Variants in RNLS observed in about 807,000 individuals in gnomAD.
The protein encoded by RNLS is renalase.
A neutral mutation model predicts 39.8 loss-of-function variants in RNLS; 39 were observed. The observed-to-expected ratio is 0.98, with a 90% CI of 0.76 to 1.28. RNLS has a LOEUF of 1.28. RNLS is among the 50% of genes most tolerant of loss of function. The pLI, the probability that RNLS is intolerant of heterozygous loss-of-function variation, is 0.00. For missense variants in RNLS, 410 were observed against 413.3 expected, an observed-to-expected ratio of 0.99 and a Z score of 0.07; for synonymous variants, 147 against 150.7, an observed-to-expected ratio of 0.98 and a Z score of 0.18.
chr10:88,357,432 T>C (rs140085642), intron 5 of RNLS, among the ~76,000 whole-genome samples: 1 of 152,330 alleles, frequency 6.6e-6, no homozygotes, highest in East Asian at 1.9e-4. Context: ...ATATTGCTGA[T>C]TGTTGGAAGA....
the RNLS span, among the ~76,000 whole-genome samples, chr10:88,264,450 G>A: frequency 6.6e-6 from 1 of 152,146 alleles, no homozygotes; most frequent in Non-Finnish European, 1.5e-5. Flanking sequence ...GTGTAAAAGT[G>A]TTCTCTTTTC....
intron 4 of RNLS, among the ~76,000 whole-genome samples, chr10:88,519,943 C>T (rs1198167930): frequency 4.6e-5 from 7 of 151,826 alleles, no homozygotes; most frequent in African/African-American, 1.5e-4. Flanking sequence ...AAACATTGTG[C>T]CCATGTCTTA....
At chr10:88,304,821 C>T (rs1564676764) in intron 6 of RNLS, among the ~76,000 whole-genome samples, 1 of 152,088 alleles carries the variant, frequency 6.6e-6, no homozygotes. Context: ...AACCAACATT[C>T]AAAATCAGGA....
intron 4 of RNLS, among the ~76,000 whole-genome samples, chr10:88,559,568 C>T (rs950834764): frequency 2.0e-5 from 3 of 152,136 alleles, no homozygotes; most frequent in Non-Finnish European, 4.4e-5. Context: ...ATGAACATTT[C>T]TATTTCAAAC....
intron 4 of RNLS, among the ~76,000 whole-genome samples, chr10:88,374,096 TAAC>T (rs957281835): frequency 2.0e-5 from 3 of 151,990 alleles, no homozygotes; most frequent in Admixed American, 2.0e-4. Flanking sequence ...CAAAAAATAA[TAAC>T]AATTATTGTT....
chr10:88,256,070 T>TG, the RNLS span, among the ~76,000 whole-genome samples: 1 of 152,150 alleles, frequency 6.6e-6, no homozygotes, highest in Non-Finnish European at 1.5e-5. Flanking sequence ...AACCAGCCCG[T>TG]GGGGAATATT....
intron 3 of RNLS, among the ~76,000 whole-genome samples, chr10:88,581,114 C>A (rs987564487): frequency 2.0e-5 from 3 of 151,762 alleles, no homozygotes; most frequent in Non-Finnish European, 4.4e-5. Flanking sequence ...AGTGATGGTA[C>A]GCATATGTCA....
At chr10:88,387,408 C>T (rs1851928203) in intron 4 of RNLS, among the ~76,000 whole-genome samples, 1 of 144,380 alleles carries the variant, frequency 6.9e-6, no homozygotes, top group African/African-American at 2.6e-5. Context: ...ATGATGTCTC[C>T]AAATAACCAG....
intron 4 of RNLS, among the ~76,000 whole-genome samples, chr10:88,557,193 T>C (rs1286811509): frequency 1.3e-5 from 2 of 152,218 alleles, no homozygotes; most frequent in Non-Finnish European, 2.9e-5. Context: ...ATGCAAAAAG[T>C]ATCTAAAAAG....
the RNLS span, among the ~76,000 whole-genome samples, chr10:88,181,629 T>A: frequency 2.0e-5 from 3 of 152,110 alleles, no homozygotes; most frequent in Non-Finnish European, 4.4e-5. Context: ...TTATATAGGA[T>A]CAGTTTATTT....
chr10:88,424,760 C>T (rs1028172585), intron 4 of RNLS, among the ~76,000 whole-genome samples: 6 of 152,090 alleles, frequency 3.9e-5, no homozygotes, highest in South Asian at 2.1e-4. Flanking sequence ...ATTTTTAACG[C>T]GTGAATGCAG....
At chr10:88,443,310 A>C (rs1841834642) in intron 4 of RNLS, among the ~76,000 whole-genome samples, 1 of 152,186 alleles carries the variant, frequency 6.6e-6, no homozygotes, top group South Asian at 2.1e-4. Context: ...TGTAATATTA[A>C]GTTTTCAAAG....
At chr10:88,556,396 GACA>G (rs1043861256) in intron 4 of RNLS, among the ~76,000 whole-genome samples, 1 of 152,140 alleles carries the variant, frequency 6.6e-6, no homozygotes, top group Non-Finnish European at 1.5e-5. Context: ...TCTCTGCATT[GACA>G]ACATCAGTTC....
At chr10:88,506,442 T>C (rs1224124581) in intron 4 of RNLS, among the ~76,000 whole-genome samples, 3 of 152,220 alleles carry the variant, frequency 2.0e-5, no homozygotes, top group Admixed American at 2.0e-4. Flanking sequence ...TCCTTACTTT[T>C]AAGTGATGCA....
chr10:88,504,842 AGAGTGTGTGTGTGTGT>A (rs1355521426), intron 4 of RNLS, among the ~76,000 whole-genome samples: 1 of 106,768 alleles, frequency 9.4e-6, no homozygotes, highest in Non-Finnish European at 1.8e-5. Context: ...AGAGAGAGAC[AGAGTGTGTGTGTGTGT>A]GTGTGTGTGT....
At chr10:88,226,860 C>A in the RNLS span, among the ~76,000 whole-genome samples, 2 of 146,282 alleles carry the variant, frequency 1.4e-5, no homozygotes, top group African/African-American at 5.1e-5. Flanking sequence ...AAGAGTCCAG[C>A]AAAATGTCTT....
At chr10:88,339,546 GATA>G (rs1365180256) in intron 5 of RNLS, among the ~76,000 whole-genome samples, 7 of 152,090 alleles carry the variant, frequency 4.6e-5, no homozygotes, top group African/African-American at 1.7e-4. Context: ...ATAAAATAGG[GATA>G]ATAATATTTA....
intron 3 of RNLS, among the ~76,000 whole-genome samples, chr10:88,576,124 G>C (rs1037148621): frequency 6.6e-6 from 1 of 152,094 alleles, no homozygotes; most frequent in Non-Finnish European, 1.5e-5. Context: ...AACCTACTGG[G>C]CTAGGTCCTT....
At chr10:88,333,663 G>A (rs941388282) in intron 5 of RNLS, among the ~76,000 whole-genome samples, 1 of 152,108 alleles carries the variant, frequency 6.6e-6, no homozygotes, top group Non-Finnish European at 1.5e-5. Flanking sequence ...AAACAATGCT[G>A]CAACAAACAC....
Sources: allele counts gnomAD v4.1 joint callset (sites outside exome capture counted in the v4.1 genomes callset), GRCh38; gene constraint gnomAD v4.1.1; transcripts MANE v1.5; gene names NCBI Gene and HGNC (gene_info 2026-07-23, HGNC 2026-07-21).